The following CELF1 variants were observed in gnomAD, a reference collection of about 807,000 sequenced individuals.
CELF1 encodes 50 kDa nuclear polyadenylated RNA-binding protein.
In CELF1, 10 loss-of-function variants were observed where a neutral mutation model predicts 61.8. That is an observed-to-expected ratio of 0.16 (90% CI 0.10 to 0.27). The LOEUF is 0.27. Among genes scored for constraint, CELF1 ranks in the 10% least tolerant of loss-of-function variants. The probability of loss-of-function intolerance (pLI) is 1.00; values close to 1 mark genes in which losing one functional copy is unlikely to be tolerated. For synonymous variants in CELF1, 236 were observed against 225.1 expected (o/e 1.05, Z -0.43); for missense variants, 380 against 639.1 (o/e 0.59, Z 4.37).
intron 3 of CELF1, among the ~76,000 whole-genome samples, chr11:47,498,766 C>T (rs2093520879): frequency 6.6e-6 from 1 of 152,194 alleles, no homozygotes. Context: ...CTGTGTACAA[C>T]AGCAGTTCTT....
chr11:47,484,921 A>G (rs1303517626), intron 6 of CELF1, among the ~76,000 whole-genome samples: 5 of 151,714 alleles, frequency 3.3e-5, no homozygotes, highest in African/African-American at 1.2e-4. Context: ...CAGGTGATCC[A>G]CCCGCCTCGG....
At position 47,489,018 on chromosome 11, in the gene CELF1, C is replaced by G; in HGVS notation, c.78G>C (p.Lys26Asn). 6.3e-7 allele frequency: 1 copy of G among 1,579,374 alleles called. No homozygotes were observed. Among genetic ancestry groups the G allele is most frequent in the Non-Finnish European group, 8.6e-7 (1 of 1,168,564 alleles). The change falls in exon 4 of 15, where the codon AAG (lysine) becomes AAC (asparagine). Residue 26 changes from lysine (K) to asparagine (N), a missense_variant. By Grantham distance (94) the Lys-to-Asn change is moderately conservative. Transcript: ENST00000687097. ...GGTGGTCCAGGGTGCCGTTCATTTTCTTTGAGCTGTGTGAGATAAAATGAA... is the reference window on the plus strand; with the variant it reads ...GGTGGTCCAGGGTGCCGTTCATTTTGTTTGAGCTGTGTGAGATAAAATGAA... Reference protein sequence around the residue: ...HCSLNSSPVSKKMNGTLDHPD... With the variant: ...HCSLNSSPVSNKMNGTLDHPD...
chr11:47,519,908 A>C (rs2095792994), intron 1 of CELF1, among the ~76,000 whole-genome samples: 1 of 151,076 alleles, frequency 6.6e-6, no homozygotes, highest in African/African-American at 2.4e-5. Flanking sequence ...TACCCACTTA[A>C]ATCATCTGTC....
At chr11:47,507,309 A>T (rs2094585142) in intron 1 of CELF1, among the ~76,000 whole-genome samples, 1 of 152,170 alleles carries the variant, frequency 6.6e-6, no homozygotes. Flanking sequence ...GCAATTAAGG[A>T]TCGTGTTATT....
chr11:47,487,087 G>T, intron 5 of CELF1, 72 bp downstream of exon 5: 1 of 1,199,302 alleles, frequency 8.3e-7, no homozygotes, highest in Non-Finnish European at 1.2e-6. Flanking sequence ...TTCAGTGTGT[G>T]TCTGATATGT....
chr11:47,507,636 TTC>T (rs2094618758), intron 1 of CELF1, among the ~76,000 whole-genome samples: 1 of 152,204 alleles, frequency 6.6e-6, no homozygotes, highest in East Asian at 1.9e-4. Flanking sequence ...CCAGCTGTAT[TTC>T]TGTCTGGCTT....
At chr11:47,500,963 AAC>A (rs1272376719) in intron 1 of CELF1, 31 bp from the exon 2 acceptor site, 7 of 398,550 alleles carry the variant, frequency 1.8e-5, no homozygotes, top group East Asian at 7.1e-5. Flanking sequence ...TGAACTACTA[AAC>A]ACACAGAGTT....
intron 2 of CELF1, among the ~76,000 whole-genome samples, chr11:47,500,049 A>G (rs575357438): frequency 6.2e-4 from 95 of 152,372 alleles, no homozygotes; most frequent in Non-Finnish European, 1.2e-3. Flanking sequence ...CAATGAGCAC[A>G]GTGCTTAGGT....
At chr11:47,528,387 T>C (rs1279190944) in intron 1 of CELF1, among the ~76,000 whole-genome samples, 1 of 152,162 alleles carries the variant, frequency 6.6e-6, no homozygotes, top group Non-Finnish European at 1.5e-5. Flanking sequence ...GATTCACAAC[T>C]TTTACCAGAT....
At chr11:47,486,497 C>T (rs1292706252) in intron 6 of CELF1, among the ~76,000 whole-genome samples, 1 of 151,954 alleles carries the variant, frequency 6.6e-6, no homozygotes. Context: ...GCAACCTCCG[C>T]CTCCCGGGTT....
At chr11:47,474,829 C>T (rs1275502714) in intron 13 of CELF1, among the ~76,000 whole-genome samples, 1 of 152,194 alleles carries the variant, frequency 6.6e-6, no homozygotes, top group Non-Finnish European at 1.5e-5. Context: ...AAATTGAATA[C>T]CATTTGTGTC....
chr11:47,492,279 C>T lies in CELF1; in HGVS notation c.72-3255G>A, dbSNP rs1287927083. ...ATAGGCATGGAACTACTGCGCCTGG[C>T]CTATTTTCTTTTGAGTGTTTCAGAT... is the stretch of plus-strand genomic sequence containing the variant. On this transcript the variant is annotated intron_variant, in intron 3 of 14. Coordinates refer to ENST00000687097, the MANE Select transcript of CELF1 (RefSeq NM_001376376.1). Among the ~76,000 whole-genome samples the T allele has an allele frequency of 3.9e-5, 6 of 152,216 alleles. No homozygotes were observed. The South Asian group carries it at 1.2e-3, about 32-fold the overall frequency.
At chr11:47,535,696 T>A (rs182893194) in intron 1 of CELF1, among the ~76,000 whole-genome samples, 5,934 of 144,528 alleles carry the variant, frequency 0.041, 445 homozygotes, top group African/African-American at 0.15. Flanking sequence ...AAAAAAAAAA[T>A]AAATCATGTC....
intron 1 of CELF1, among the ~76,000 whole-genome samples, chr11:47,501,170 C>T (rs1167138815): frequency 1.3e-5 from 2 of 152,152 alleles, no homozygotes; most frequent in Admixed American, 6.5e-5. Context: ...TCTATTTTTG[C>T]CAGAGACTCG....
chr11:47,534,185 T>C (rs1384036914), intron 1 of CELF1, among the ~76,000 whole-genome samples: 1 of 151,512 alleles, frequency 6.6e-6, no homozygotes, highest in East Asian at 2.0e-4. Context: ...CCTGCCACCA[T>C]GCCCGGCTAA....
intron 1 of CELF1, among the ~76,000 whole-genome samples, chr11:47,532,581 G>A (rs924275235): frequency 5.9e-5 from 9 of 152,196 alleles, no homozygotes; most frequent in Non-Finnish European, 5.9e-5. Flanking sequence ...ACTATGAAAA[G>A]TAGAGGAAAG....
intron 1 of CELF1, among the ~76,000 whole-genome samples, chr11:47,537,408 C>T (rs1355618414): frequency 1.3e-4 from 20 of 151,966 alleles, no homozygotes; most frequent in Admixed American, 1.3e-3. Context: ...CCACCACATT[C>T]AACAAATTTC....
chr11:47,487,103 T>C lies in CELF1; in HGVS notation c.342+56A>G, dbSNP rs2087841777. 9 of 1,305,062 alleles carry C rather than the reference T, an allele frequency of 6.9e-6. No homozygotes were observed. In the Middle Eastern group the frequency reaches 7.2e-4, roughly 105 times the overall value. 80.8% of individuals were successfully genotyped at this position (1,305,062 alleles called of 1,614,324 possible). ...TCAGTGTGTGTCTGATATGTGTAAG[T>C]ATATCCCACATATCAAAGTTACCAC... On this transcript the variant is annotated intron_variant, in intron 5 of 14. Transcript: ENST00000687097.
At chr11:47,489,213 G>T (rs1229110336) in intron 3 of CELF1, among the ~76,000 whole-genome samples, 189 bp from the exon 4 acceptor site, 1 of 152,090 alleles carries the variant, frequency 6.6e-6, no homozygotes, top group Non-Finnish European at 1.5e-5. Flanking sequence ...TCCATCAGAT[G>T]CCAAACTAAA....
Sources: gnomAD v4.1 joint callset for allele counts (sites outside exome capture counted in the v4.1 genomes callset) on GRCh38, gnomAD v4.1.1 for gene constraint, MANE v1.5 for transcripts, NCBI Gene and HGNC (gene_info 2026-07-23, HGNC 2026-07-21) for gene names.